NR1I2: variants seen among roughly 807,000 people sequenced by gnomAD.
NR1I2 encodes nuclear receptor subfamily 1 group I member 2, also known as orphan nuclear receptor PAR1.
NR1I2 carries 42 observed loss-of-function variants against 43.3 expected under a neutral mutation model. That is an observed-to-expected ratio of 0.97 (90% CI 0.76 to 1.26). The LOEUF (loss-of-function observed/expected upper bound fraction) is 1.26. Ranked by LOEUF, NR1I2 falls within the 50% of genes most tolerant of loss-of-function variation. The pLI, the probability that NR1I2 is intolerant of heterozygous loss-of-function variation, is 0.00. For missense variants in NR1I2, 559 were observed against 566.7 expected, an observed-to-expected ratio of 0.99 and a Z score of 0.14; for synonymous variants, 229 against 215.0, an observed-to-expected ratio of 1.06 and a Z score of -0.57.
chr3:119,782,946 T>G, intron 1 of NR1I2: 1 of 1,033,970 alleles, frequency 9.7e-7, no homozygotes, highest in Non-Finnish European at 1.5e-6. Flanking sequence ...CCTTCTTCTC[T>G]CCACTTTACA....
In NR1I2 at chr3:119,810,085, G is replaced by T. The variant is rs1180601230; in HGVS notation, c.222G>T (p.Arg74=). ...GGAGGGCCATGAAACGCAACGCCCG[G>T]CTGAGGTGCCCCTTCCGGAAGGGCG... The change falls in exon 3 of 9, where the codon CGG becomes CGT. Residue 74 remains arginine (R), a synonymous_variant. Coordinates refer to ENST00000393716, the MANE Select transcript of NR1I2 (RefSeq NM_003889.4). 1 of 1,613,914 alleles carries T rather than the reference G, an allele frequency of 6.2e-7. No individual in the cohort carries two copies. Among genetic ancestry groups the T allele is most frequent in the Middle Eastern group, 1.6e-4 (1 of 6,062 alleles).
intron 5 of NR1I2, among the ~76,000 whole-genome samples, chr3:119,813,282 A>G (rs2055270703): frequency 6.6e-6 from 1 of 152,226 alleles, no homozygotes; most frequent in Non-Finnish European, 1.5e-5. Context: ...GCATTCAGAT[A>G]GTCTTTTGTA....
intron 1 of NR1I2, among the ~76,000 whole-genome samples, chr3:119,800,608 GGAGAAT>G (rs1355935732): frequency 6.6e-6 from 1 of 151,912 alleles, no homozygotes; most frequent in African/African-American, 2.4e-5. Flanking sequence ...CCCTTTTTGT[GGAGAAT>G]GCGGTCTTGC....
At chr3:119,798,052 G>A (rs1046343802) in intron 1 of NR1I2, among the ~76,000 whole-genome samples, 4 of 151,954 alleles carry the variant, frequency 2.6e-5, no homozygotes, top group Admixed American at 1.3e-4. Flanking sequence ...ACGATGTGTG[G>A]GTAGGTATGT....
At chr3:119,799,656 T>G (rs747242895) in intron 1 of NR1I2, among the ~76,000 whole-genome samples, 1 of 152,140 alleles carries the variant, frequency 6.6e-6, no homozygotes, top group Non-Finnish European at 1.5e-5. Context: ...TATGACAATC[T>G]GTCTTACCAA....
chr3:119,812,978 G>T lies in NR1I2; in HGVS notation c.794+18G>T, dbSNP rs1457330913. On this transcript the variant is annotated intron_variant, in intron 5 of 8. Coordinates refer to ENST00000393716, the MANE Select transcript of NR1I2 (RefSeq NM_003889.4). ...TACTTCAGGTAGGACATGGAGACTG[G>T]GTGGTTGGGTGTGGAAAAGAACTGG... is the stretch of plus-strand genomic sequence containing the variant. 6.2e-7 allele frequency: 1 copy of T among 1,610,678 alleles called. No individual in the cohort carries two copies. The highest frequency in any genetic ancestry group is 2.2e-5 in the East Asian group (1 of 44,888).
rs762908247 is a variant in NR1I2, at chr3:119,815,371, T to G, written c.986T>G (p.Met329Arg). 2.7e-5 allele frequency: 43 copies of G among 1,613,924 alleles called. No homozygotes were observed. The highest frequency in any genetic ancestry group is 3.6e-5 in the Non-Finnish European group (43 of 1,180,020). ...GAGCCCATGCTGAAATTCCACTACA[T>G]GCTGAAGAAGCTGCAGCTGCATGAG... Residue 329 changes from methionine (M) to arginine (R), a missense_variant, in exon 7 of 9, where the codon ATG (methionine) becomes AGG (arginine). By Grantham distance (91) the Met-to-Arg change is moderately conservative (BLOSUM62 -1). This residue lies in a region of NR1I2 where 323 missense variants were observed against 312.2 expected (regional missense o/e 1.03). Coordinates refer to ENST00000393716, the MANE Select transcript of NR1I2 (RefSeq NM_003889.4).
intron 1 of NR1I2, among the ~76,000 whole-genome samples, chr3:119,789,445 C>G (rs1406411475): frequency 6.6e-6 from 1 of 152,126 alleles, no homozygotes; most frequent in Non-Finnish European, 1.5e-5. Flanking sequence ...AGAATGAGAA[C>G]CAAGCGAAAG....
rs923271127 is a variant in NR1I2 at position 119,793,482 on chromosome 3, T to C, written c.-23+11182T>C. ...TCAGTGGAGGCTGCCTTCTGGAGGC[T>C]GTAGGGGAGGATCAGTTTCCTCACC... On this transcript the variant is annotated intron_variant, in intron 1 of 8. Coordinates refer to ENST00000393716, the MANE Select transcript of NR1I2 (RefSeq NM_003889.4). 5.3e-5 allele frequency among the ~76,000 whole-genome samples: 8 copies of C among 152,228 alleles called. No individual in the cohort carries two copies. The East Asian group carries it at 1.5e-3, about 29-fold the overall frequency.
At chr3:119,810,362 C>A (rs1393602649) in intron 3 of NR1I2, 168 bp downstream of exon 3, 14 of 995,408 alleles carry the variant, frequency 1.4e-5, no homozygotes, top group Non-Finnish European at 2.0e-5. Context: ...CCTGGGGGAG[C>A]GCTTGCAGTC....
intron 1 of NR1I2, among the ~76,000 whole-genome samples, chr3:119,803,346 CAA>C (rs1287759090): frequency 1.2e-4 from 12 of 99,642 alleles, no homozygotes; most frequent in South Asian, 3.5e-4. Context: ...TTTTCTGTCT[CAA>C]AAGAGAGAGA....
In NR1I2 at chr3:119,807,321, C is replaced by T. The variant is rs1366147754; in HGVS notation, c.71C>T (p.Pro24Leu). ...CACTGTGAGGACACAGAGTCTGTTC[C>T]TGGAAAGCCCAGTGTCAACGCAGAT... Residue 24 changes from proline (P) to leucine (L), a missense_variant, in exon 2 of 9, where the codon CCT becomes CTT. Physicochemically the swap from Pro to Leu is moderately conservative, Grantham distance 98. This residue lies in a region of NR1I2 where 232 missense variants were observed against 236.6 expected (regional missense o/e 0.98). Transcript: ENST00000393716. The T allele has an allele frequency of 1.2e-5, 19 of 1,614,142 alleles. No individual in the cohort carries two copies. Among genetic ancestry groups the T allele is most frequent in the Non-Finnish European group, 1.5e-5 (18 of 1,180,056 alleles).
intron 1 of NR1I2, among the ~76,000 whole-genome samples, chr3:119,798,820 C>G (rs2055037120): frequency 6.6e-6 from 1 of 152,138 alleles, no homozygotes; most frequent in Non-Finnish European, 1.5e-5. Flanking sequence ...ATACTTCTTT[C>G]ACTTAGAATG....
chr3:119,787,830 T>G (rs1206116998), intron 1 of NR1I2, among the ~76,000 whole-genome samples: 1 of 152,156 alleles, frequency 6.6e-6, no homozygotes, highest in Non-Finnish European at 1.5e-5. Context: ...TGTATATGTA[T>G]GTATACACAC....
intron 1 of NR1I2, among the ~76,000 whole-genome samples, chr3:119,793,352 A>G (rs1296315857): frequency 6.6e-6 from 1 of 152,162 alleles, no homozygotes; most frequent in Non-Finnish European, 1.5e-5. Context: ...CACAAGGAAA[A>G]TGAACAGCCT....
chr3:119,807,559 C>T, intron 2 of NR1I2, 112 bp downstream of exon 2: 1 of 875,940 alleles, frequency 1.1e-6, no homozygotes, highest in East Asian at 2.5e-5. Context: ...TGGTGGCCCA[C>T]CCAAAGGCCT....
intron 1 of NR1I2, among the ~76,000 whole-genome samples, chr3:119,789,869 A>G (rs2054892852): frequency 6.6e-6 from 1 of 152,176 alleles, no homozygotes; most frequent in Non-Finnish European, 1.5e-5. Flanking sequence ...ATCAACATTT[A>G]TTTGGTGATG....
At chr3:119,805,876 C>T (rs1337504541) in intron 1 of NR1I2, among the ~76,000 whole-genome samples, 1 of 152,004 alleles carries the variant, frequency 6.6e-6, no homozygotes, top group Non-Finnish European at 1.5e-5. Context: ...TACATAAAGT[C>T]AGGATTATGA....
At chr3:119,787,457 A>C (rs768813734) in intron 1 of NR1I2, among the ~76,000 whole-genome samples, 18 of 152,264 alleles carry the variant, frequency 1.2e-4, no homozygotes, top group Non-Finnish European at 1.5e-5. Context: ...CTTGACATGA[A>C]GTTGTAATTT....
Sources: allele counts gnomAD v4.1 joint callset (sites outside exome capture counted in the v4.1 genomes callset), GRCh38; gene constraint gnomAD v4.1.1; regional missense constraint gnomAD v4.1.1; transcripts MANE v1.5; gene names NCBI Gene and HGNC (gene_info 2026-07-23, HGNC 2026-07-21).